CD22: variants seen among roughly 807,000 people sequenced by gnomAD.
The protein encoded by CD22 is CD22 molecule.
CD22 carries 51 observed loss-of-function variants against 94.7 expected under a neutral mutation model. That is an observed-to-expected ratio of 0.54 (90% CI 0.43 to 0.68). The LOEUF (loss-of-function observed/expected upper bound fraction) is 0.68. CD22 is among the 30% of genes least tolerant of loss of function. CD22 has a pLI of 0.00. For synonymous variants in CD22, 424 were observed against 422.5 expected, an observed-to-expected ratio of 1.00 and a Z score of -0.04; for missense variants, 931 against 1,060.4, an observed-to-expected ratio of 0.88 and a Z score of 1.69.
At chr19:35,345,167 C>T (rs773901997) in intron 11 of CD22, 41 bp downstream of exon 11, 3 of 1,584,186 alleles carry the variant, frequency 1.9e-6, no homozygotes, top group East Asian at 2.2e-5. Context: ...CCTGTAATCC[C>T]AGCACTTTGG....
rs374673200 is a variant in CD22, at chr19:35,332,035, G to A, written c.-6G>A. On this transcript the variant is annotated 5_prime_UTR_variant, in exon 2 of 14. Transcript: ENST00000085219. ...CCTGCTCAGGCTTGCACCCAGACAC[G>A]ACACCATGCATCTCCTCGGCCCCTG... The A allele has an allele frequency of 6.3e-5, 101 of 1,613,644 alleles. No individual in the cohort carries two copies. Among genetic ancestry groups the A allele is most frequent in the Non-Finnish European group, 7.5e-5 (89 of 1,179,790 alleles).
At chr19:35,333,001 A>G in intron 3 of CD22, 77 bp downstream of exon 3, 3 of 1,491,742 alleles carry the variant, frequency 2.0e-6, no homozygotes, top group Non-Finnish European at 2.7e-6. Context: ...CTCCTGGCAC[A>G]GAGCTCACAA....
intron 3 of CD22, among the ~76,000 whole-genome samples, chr19:35,334,004 G>A (rs2066682672): frequency 6.6e-6 from 1 of 152,188 alleles, no homozygotes; most frequent in Non-Finnish European, 1.5e-5. Context: ...CCGATGCGTA[G>A]TCAGCCAAAC....
chr19:35,338,682 G>A (rs552702136), intron 6 of CD22, among the ~76,000 whole-genome samples: 1 of 152,104 alleles, frequency 6.6e-6, no homozygotes, highest in African/African-American at 2.4e-5. Flanking sequence ...AGGCTGGAGT[G>A]CAGTGGCACA....
intron 6 of CD22, among the ~76,000 whole-genome samples, chr19:35,339,988 C>T (rs1374748206): frequency 2.6e-5 from 4 of 152,176 alleles, no homozygotes; most frequent in African/African-American, 9.7e-5. Flanking sequence ...GTCTCATTAC[C>T]TCTCCATTGT....
rs1259174342 is a variant in CD22, at chr19:35,336,158, G to A, written c.535G>A (p.Glu179Lys). 3 of 1,614,054 alleles carry A rather than the reference G, an allele frequency of 1.9e-6. No individual in the cohort carries two copies. The highest frequency in any genetic ancestry group is 3.3e-5 in the Admixed American group (2 of 60,004). The stretch of plus-strand genomic sequence containing the variant: ...TCCGATCCAATTGCAGTGGCTCCTA[G>A]AGGGGGTTCCAATGAGGCAGGCTGC... ...GYPIQLQWLL[E>K]GVPMRQAAVT... Residue 179 changes from glutamate to lysine, a missense_variant, in exon 4 of 14, where the codon GAG becomes AAG. Transcript: ENST00000085219.
At chr19:35,329,258 A>T in intron 1 of CD22, 28 bp downstream of exon 1, 2 of 1,282,322 alleles carry the variant, frequency 1.6e-6, no homozygotes, top group South Asian at 2.5e-5. Flanking sequence ...TTTATTTTGC[A>T]TTCAACAAGC....
At chr19:35,345,998 G>A (rs1227471375) in intron 12 of CD22, among the ~76,000 whole-genome samples, 153 bp from the exon 13 acceptor site, 3 of 152,202 alleles carry the variant, frequency 2.0e-5, no homozygotes, top group Non-Finnish European at 2.9e-5. Context: ...ACATTTGCAC[G>A]AGCTCCTACT....
intron 6 of CD22, among the ~76,000 whole-genome samples, chr19:35,339,589 C>T (rs1271420997): frequency 6.6e-6 from 1 of 152,072 alleles, no homozygotes; most frequent in Admixed American, 6.6e-5. Context: ...GGCATGGTGG[C>T]TTACGCCTGT....
intron 6 of CD22, among the ~76,000 whole-genome samples, chr19:35,339,464 G>T (rs895837558): frequency 1.1e-3 from 171 of 151,712 alleles, no homozygotes; most frequent in African/African-American, 4.1e-3. Context: ...GGCTGAGGTG[G>T]GAGGATCACC....
At chr19:35,342,664 G>T (rs915087376) in intron 9 of CD22, among the ~76,000 whole-genome samples, 1 of 152,000 alleles carries the variant, frequency 6.6e-6, no homozygotes, top group African/African-American at 2.4e-5. Flanking sequence ...TACCTCCCCT[G>T]CAGTCTCTCC....
rs187714672 is a variant in CD22, at chr19:35,342,912, G to A, written c.2035+947G>A. ...TGCAAGCTCTGCCTCCCGGGTTCAC[G>A]CCATTCTCCTGCCTCAGCTCCCCGA... On this transcript the variant is annotated intron_variant, in intron 9 of 13. Coordinates refer to ENST00000085219, the MANE Select transcript of CD22 (RefSeq NM_001771.4). 1.1e-3 allele frequency among the ~76,000 whole-genome samples: 172 copies of A among 152,020 alleles called. 1 individual carries two copies. Among genetic ancestry groups the A allele is most frequent in the African/African-American group, 3.9e-3 (161 of 41,458 alleles).
At chr19:35,343,219 C>T (rs2066845538) in intron 9 of CD22, among the ~76,000 whole-genome samples, 1 of 152,030 alleles carries the variant, frequency 6.6e-6, no homozygotes, top group Admixed American at 6.6e-5. Context: ...CTGCCTCGGC[C>T]TCCACAGTAG....
chr19:35,341,730 G>C lies in CD22; in HGVS notation c.1800G>C (p.Met600Ile), dbSNP rs935315610. The change falls in exon 9 of 14, where the codon ATG (methionine) becomes ATC (isoleucine). Residue 600 changes from methionine to isoleucine, a missense_variant. Physicochemically the swap from Met to Ile is conservative, Grantham distance 10 (BLOSUM62 1). Coordinates refer to ENST00000085219, the MANE Select transcript of CD22 (RefSeq NM_001771.4). The surrounding 1 kb of genome is among the most constrained non-coding windows in gnomAD (Gnocchi z 4.0). ...LYAPRRLRVS[M>I]SPGDQVMEGK... Reference sequence around the variant, plus strand: ...CACCCAGGAGGCTGCGTGTGTCCATGAGCCCGGGGGACCAAGTGATGGAGG... The same window carrying C: ...CACCCAGGAGGCTGCGTGTGTCCATCAGCCCGGGGGACCAAGTGATGGAGG... The C allele has an allele frequency of 6.2e-7, 1 of 1,610,732 alleles. No homozygotes were observed. The highest frequency in any genetic ancestry group is 1.3e-5 in the African/African-American group (1 of 74,904).
Position 35,341,678 on chromosome 19 carries a change from C to T in CD22, c.1772-24C>T. 1.2e-6 allele frequency: 2 copies of T among 1,606,166 alleles called. No individual in the cohort carries two copies. Among genetic ancestry groups the T allele is most frequent in the Non-Finnish European group, 1.7e-6 (2 of 1,176,092 alleles). ...GGCCTGCCTGGTAGTGACTTCGCACCCCCTCCCCCTGCCCGCCATGCAGAT... is the reference window on the plus strand; with the variant it reads ...GGCCTGCCTGGTAGTGACTTCGCACTCCCTCCCCCTGCCCGCCATGCAGAT... On this transcript the variant is annotated intron_variant, in intron 8 of 13. Transcript: ENST00000085219. This position sits in a 1 kb window ranked among gnomAD's most constrained non-coding sequence, Gnocchi z 4.0.
chr19:35,345,333 A>C, intron 11 of CD22: 1 of 579,052 alleles, frequency 1.7e-6, no homozygotes, highest in Non-Finnish European at 3.1e-6. Flanking sequence ...AGGCAGGAGA[A>C]TCGCTTGAAC....
rs2066754663 is a variant in CD22, at chr19:35,338,260, C to T, written c.1078C>T (p.Leu360Phe). ...EFLCMSLANP[L>F]PTNYTWYHNG... ...TCTTTGCATGTCACTGGCCAATCCTCTTCCAACAAATTACACGTGGTACCA... is the reference window on the plus strand; with the variant it reads ...TCTTTGCATGTCACTGGCCAATCCTTTTCCAACAAATTACACGTGGTACCA... Residue 360 changes from leucine to phenylalanine, a missense_variant, in exon 6 of 14, where the codon CTT becomes TTT. Coordinates refer to ENST00000085219, the MANE Select transcript of CD22 (RefSeq NM_001771.4). The T allele has an allele frequency of 1.9e-6, 3 of 1,614,146 alleles. No homozygotes were observed. The highest frequency in any genetic ancestry group is 8.5e-7 in the Non-Finnish European group (1 of 1,180,060).
At chr19:35,340,797 G>A in intron 6 of CD22, 84 bp from the exon 7 acceptor site, 5 of 1,486,544 alleles carry the variant, frequency 3.4e-6, no homozygotes, top group South Asian at 1.2e-5. Context: ...GCCCGGGACA[G>A]GTAGCGGGAG....
In CD22 at chr19:35,341,480, C is replaced by T; in HGVS notation, c.1645C>T (p.Leu549Phe). The T allele has an allele frequency of 6.2e-7, 1 of 1,613,878 alleles. No homozygotes were observed. The highest frequency in any genetic ancestry group is 2.2e-5 in the East Asian group (1 of 44,884). Residue 549 changes from leucine (L) to phenylalanine (F), a missense_variant, in exon 8 of 14, where the codon CTT becomes TTT. By Grantham distance (22) the Leu-to-Phe change is conservative. Coordinates refer to ENST00000085219, the MANE Select transcript of CD22 (RefSeq NM_001771.4). The surrounding 1 kb of genome is among the most constrained non-coding windows in gnomAD (Gnocchi z 4.0). ...VQFFWEKNGRLLGKESQLNFD... is the reference protein window; with the variant it reads ...VQFFWEKNGRFLGKESQLNFD... ...GTTCTTCTGGGAGAAAAATGGCAGG[C>T]TTCTGGGGAAAGAAAGCCAGCTGAA... is the stretch of plus-strand genomic sequence containing the variant.
Sources: allele counts gnomAD v4.1 joint callset (sites outside exome capture counted in the v4.1 genomes callset), GRCh38; gene constraint gnomAD v4.1.1; non-coding constraint Gnocchi (gnomAD v3.1); transcripts MANE v1.5; gene names NCBI Gene and HGNC (gene_info 2026-07-23, HGNC 2026-07-21).